The following CELF2 variants were observed in gnomAD, a reference collection of about 807,000 sequenced individuals.
The protein encoded by CELF2 is CUG triplet repeat RNA-binding protein 2.
Under a neutral mutation model 62.6 loss-of-function variants are expected in CELF2, and 8 were observed. The observed-to-expected ratio is 0.13, with a 90% CI of 0.07 to 0.23. CELF2 has a LOEUF of 0.23. Among genes scored for constraint, CELF2 ranks in the 10% least tolerant of loss-of-function variants. The pLI is 1.00. For missense variants in CELF2, 333 were observed against 671.0 expected (o/e 0.50, Z 5.56); for synonymous variants, 258 against 250.0 (o/e 1.03, Z -0.30).
At chr10:10,538,451 G>A in the CELF2 span, among the ~76,000 whole-genome samples, 1 of 152,220 alleles carries the variant, frequency 6.6e-6, no homozygotes, top group Non-Finnish European at 1.5e-5. Context: ...TTGAATCTTT[G>A]CCACTCCCTA....
Position 10,995,373 on chromosome 10 carries a change from C to T in CELF2, c.89+75374C>T, listed in dbSNP as rs937647770. Among the ~76,000 whole-genome samples, 1 of 152,154 alleles carries T rather than the reference C, an allele frequency of 6.6e-6. No homozygotes were observed. The highest frequency in any genetic ancestry group is 2.4e-5 in the African/African-American group (1 of 41,448). On this transcript the variant is annotated intron_variant, in intron 2 of 13. Coordinates refer to the CELF2 transcript ENST00000636488. The surrounding 1 kb of genome is among the most constrained non-coding windows in gnomAD (Gnocchi z 4.7). ...TTCAGCCAGCCAGTATTTTTGAGCA[C>T]CTATTTTTATGCTTGGTGCTTGATA...
chr10:11,303,612 C>T (rs535580556), intron 9 of CELF2, among the ~76,000 whole-genome samples: 7 of 152,286 alleles, frequency 4.6e-5, no homozygotes, highest in Admixed American at 1.3e-4. Context: ...GTGTTACTCC[C>T]GTTTCGTGAA....
rs530194940 is a variant in CELF2, at chr10:11,300,967, T to A, written c.976+12415T>A. On this transcript the variant is annotated intron_variant, in intron 9 of 12. Transcript: ENST00000633077. The surrounding 1 kb of genome is among the most constrained non-coding windows in gnomAD (Gnocchi z 5.5). ...TGTTAATGTTGTTTTGTTGCAGCTT[T>A]AAAAAAAAGTATTTTGCTATCCAGG... is the stretch of plus-strand genomic sequence containing the variant. Among the ~76,000 whole-genome samples the A allele has an allele frequency of 6.6e-6, 1 of 152,124 alleles. No individual in the cohort carries two copies. Among genetic ancestry groups the A allele is most frequent in the South Asian group, 2.1e-4 (1 of 4,824 alleles).
At chr10:10,799,081 C>A (rs1325666717) in intron 1 of CELF2, among the ~76,000 whole-genome samples, 3 of 152,122 alleles carry the variant, frequency 2.0e-5, no homozygotes, top group Non-Finnish European at 4.4e-5. Context: ...TTAAATGACA[C>A]CAGCTGACTC....
chr10:10,723,002 G>A, the CELF2 span, among the ~76,000 whole-genome samples: 4 of 152,200 alleles, frequency 2.6e-5, no homozygotes, highest in African/African-American at 9.7e-5. Flanking sequence ...AAAAGGAAGT[G>A]TGAACATCTA....
intron 2 of CELF2, among the ~76,000 whole-genome samples, chr10:10,963,704 G>A (rs549241026): frequency 2.0e-4 from 31 of 152,216 alleles, no homozygotes; most frequent in African/African-American, 7.2e-4. Context: ...TTTAGTTTAC[G>A]GCTTTTGAGC....
chr10:11,209,784 C>CT (rs2135598015), intron 2 of CELF2, among the ~76,000 whole-genome samples: 1 of 13,206 alleles, frequency 7.6e-5, no homozygotes, highest in African/African-American at 1.9e-4. Flanking sequence ...CCTTTGGACT[C>CT]TGGAAAAAAA....
At chr10:10,626,556 T>G in the CELF2 span, among the ~76,000 whole-genome samples, 3 of 152,218 alleles carry the variant, frequency 2.0e-5, no homozygotes, top group Non-Finnish European at 4.4e-5. Flanking sequence ...GAATTCTCCC[T>G]CTAGGCTCTA....
At chr10:11,026,915 TGA>T (rs2059311215) in intron 1 of CELF2, among the ~76,000 whole-genome samples, 1 of 152,162 alleles carries the variant, frequency 6.6e-6, no homozygotes. Context: ...GGAGGAGTGT[TGA>T]GTTTTCGAGT....
rs2140299230 is a variant in CELF2, at chr10:11,305,652, C to T, written c.977-8487C>T. 6.6e-6 allele frequency among the ~76,000 whole-genome samples: 1 copy of T among 152,334 alleles called. No homozygotes were observed. Reference sequence around the variant, plus strand: ...ATGATCTAGCACCTAATGACCTAGGCACTCGGTCTCTGACCTACAGTGTTA... The same window carrying T: ...ATGATCTAGCACCTAATGACCTAGGTACTCGGTCTCTGACCTACAGTGTTA... On this transcript the variant is annotated intron_variant, in intron 9 of 12. Transcript: ENST00000633077. The surrounding 1 kb of genome is among the most constrained non-coding windows in gnomAD (Gnocchi z 4.8).
chr10:11,310,020 G>A (rs2094476741), intron 9 of CELF2, among the ~76,000 whole-genome samples: 1 of 152,134 alleles, frequency 6.6e-6, no homozygotes, highest in African/African-American at 2.4e-5. Context: ...GGAGCAACTG[G>A]TCTTCTCTCC....
At chr10:10,752,193 G>A in the CELF2 span, among the ~76,000 whole-genome samples, 1 of 152,136 alleles carries the variant, frequency 6.6e-6, no homozygotes, top group South Asian at 2.1e-4. Flanking sequence ...GTCAGGCCTG[G>A]GATCTGGTCC....
rs1294645349 is a variant in CELF2, at chr10:11,157,320, G to A, written c.75-8166G>A. ...CTTTTTCTCCCCAGTTTTTTGTTTC[G>A]TTTCAATGCCATTGCCAACTAGGTG... On this transcript the variant is annotated intron_variant, in intron 1 of 12. Transcript: ENST00000633077. This position sits in a 1 kb window ranked among gnomAD's most constrained non-coding sequence, Gnocchi z 4.9. Among the ~76,000 whole-genome samples the A allele has an allele frequency of 1.3e-5, 2 of 151,794 alleles. No homozygotes were observed. Among genetic ancestry groups the A allele is most frequent in the East Asian group, 1.9e-4 (1 of 5,188 alleles).
chr10:10,602,434 C>A, the CELF2 span, among the ~76,000 whole-genome samples: 1 of 152,152 alleles, frequency 6.6e-6, no homozygotes, highest in African/African-American at 2.4e-5. Context: ...ACGGTAGGAA[C>A]TAGATCACTT....
At chr10:10,743,814 A>G in the CELF2 span, among the ~76,000 whole-genome samples, 5 of 152,228 alleles carry the variant, frequency 3.3e-5, no homozygotes, top group Non-Finnish European at 7.3e-5. Context: ...TACTTTAGGC[A>G]ATTGTTCCTA....
Position 11,329,364 on chromosome 10 carries a change from T to TA in CELF2, c.*314dup, listed in dbSNP as rs35908213. ...AATTTTTTTCATTTTTGCTTTTTTTTAAAGAGAAGCATATACACAAATAAA... is the reference window on the plus strand; with the variant it reads ...AATTTTTTTCATTTTTGCTTTTTTTTAAAAGAGAAGCATATACACAAATAAA... On this transcript the variant is annotated 3_prime_UTR_variant, in exon 13 of 13. Coordinates refer to ENST00000633077, the MANE Select transcript of CELF2 (RefSeq NM_001326342.2). The surrounding 1 kb of genome is among the most constrained non-coding windows in gnomAD (Gnocchi z 5.5). 3 of 174,402 alleles carry TA rather than the reference T, an allele frequency of 1.7e-5. No homozygotes were observed. Among genetic ancestry groups the TA allele is most frequent in the East Asian group, 1.5e-4 (1 of 6,774 alleles). 10.8% of individuals were successfully genotyped at this position (174,402 alleles called of 1,614,324 possible).
At chr10:10,611,611 C>T in the CELF2 span, among the ~76,000 whole-genome samples, 20 of 152,282 alleles carry the variant, frequency 1.3e-4, no homozygotes, top group African/African-American at 4.8e-4. Context: ...AAACACCCTT[C>T]CCCAAAAAGT....
In CELF2 at chr10:11,300,610, G is replaced by GA. The variant is rs1338627740; in HGVS notation, c.976+12060dup. Among the ~76,000 whole-genome samples, 1 of 152,172 alleles carries GA rather than the reference G, an allele frequency of 6.6e-6. No individual in the cohort carries two copies. The highest frequency in any genetic ancestry group is 1.5e-5 in the Non-Finnish European group (1 of 68,026). ...TAAAATGAAAGGTGTGGTTATTGTGGAATAATTAGGCCTCACGGGGGGAGA... is the reference window on the plus strand; with the variant it reads ...TAAAATGAAAGGTGTGGTTATTGTGGAAATAATTAGGCCTCACGGGGGGAGA... On this transcript the variant is annotated intron_variant, in intron 9 of 12. Transcript: ENST00000633077. This position sits in a 1 kb window ranked among gnomAD's most constrained non-coding sequence, Gnocchi z 5.5.
chr10:10,703,250 G>T, the CELF2 span, among the ~76,000 whole-genome samples: 1 of 152,150 alleles, frequency 6.6e-6, no homozygotes, highest in African/African-American at 2.4e-5. Context: ...AGTTGTAATT[G>T]TCTGCTTTTT....
Sources: gnomAD v4.1 joint callset for allele counts (sites outside exome capture counted in the v4.1 genomes callset) on GRCh38, gnomAD v4.1.1 for gene constraint, Gnocchi (gnomAD v3.1) non-coding constraint, MANE v1.5 for transcripts, NCBI Gene and HGNC (gene_info 2026-07-23, HGNC 2026-07-21) for gene names.